ANK3: variants seen among roughly 807,000 people sequenced by gnomAD.
ANK3 encodes ankyrin-3.
Under a neutral mutation model 370.9 loss-of-function variants are expected in ANK3, and 57 were observed. The ratio of observed to expected loss-of-function variants is 0.15; its 90% CI spans 0.12 to 0.19. The LOEUF is 0.19. Ranked by LOEUF, ANK3 falls within the 10% of genes least tolerant of loss-of-function variation. The probability of loss-of-function intolerance (pLI) is 1.00; values close to 1 mark genes in which losing one functional copy is unlikely to be tolerated. For missense variants in ANK3, 4,439 were observed against 5,302.1 expected (o/e 0.84, Z 5.06); for synonymous variants, 1,929 against 1,946.3 (o/e 0.99, Z 0.23).
chr10:60,456,467 T>C (rs1332069029), intron 2 of ANK3, among the ~76,000 whole-genome samples: 3 of 152,184 alleles, frequency 2.0e-5, no homozygotes, highest in Non-Finnish European at 2.9e-5. Flanking sequence ...ACCTCCCTCC[T>C]ACCCTGATCT....
intron 7 of ANK3, among the ~76,000 whole-genome samples, chr10:60,247,047 G>T (rs2097566426): frequency 6.6e-6 from 1 of 152,058 alleles, no homozygotes; most frequent in African/African-American, 2.4e-5. Flanking sequence ...ATGGAGTCTC[G>T]CTCTATTGCC....
chr10:60,169,017 T>G (rs755775186), intron 21 of ANK3, among the ~76,000 whole-genome samples: 1 of 152,242 alleles, frequency 6.6e-6, no homozygotes, highest in Non-Finnish European at 1.5e-5. Context: ...CACATGCATG[T>G]ATCTTTGTAA....
At chr10:60,445,163 G>A (rs1056727489) in intron 2 of ANK3, among the ~76,000 whole-genome samples, 1 of 152,096 alleles carries the variant, frequency 6.6e-6, no homozygotes. Context: ...AGTGGCTCAC[G>A]CCTATGCTTG....
At chr10:60,544,036 C>T (rs1175511114) in intron 2 of ANK3, among the ~76,000 whole-genome samples, 1 of 152,088 alleles carries the variant, frequency 6.6e-6, no homozygotes, top group Non-Finnish European at 1.5e-5. Context: ...AGGGCTATTC[C>T]TCTCTGCCTG....
intron 2 of ANK3, among the ~76,000 whole-genome samples, chr10:60,464,484 G>A (rs2133063988): frequency 6.8e-6 from 1 of 147,370 alleles, no homozygotes; most frequent in East Asian, 2.0e-4. Flanking sequence ...AGGGAGATAG[G>A]CTGTCTCTAT....
intron 2 of ANK3, among the ~76,000 whole-genome samples, chr10:60,490,372 A>C (rs2075462877): frequency 6.6e-6 from 1 of 152,178 alleles, no homozygotes; most frequent in Non-Finnish European, 1.5e-5. Flanking sequence ...TGCATGAAAA[A>C]GTTTGACGAC....
chr10:60,068,416 G>A (rs750289519), intron 37 of ANK3, among the ~76,000 whole-genome samples: 12 of 152,172 alleles, frequency 7.9e-5, no homozygotes, highest in Admixed American at 5.2e-4. Context: ...TGCTTCCCTA[G>A]CTGTCTACCG....
intron 2 of ANK3, among the ~76,000 whole-genome samples, chr10:60,412,193 C>T (rs1427771937): frequency 6.6e-6 from 1 of 151,994 alleles, no homozygotes; most frequent in East Asian, 1.9e-4. Context: ...GCTCGGGGTG[C>T]ATTATTCTAG....
intron 42 of ANK3, among the ~76,000 whole-genome samples, chr10:60,052,463 A>T (rs1020148835): frequency 6.6e-6 from 1 of 152,276 alleles, no homozygotes; most frequent in African/African-American, 2.4e-5. Flanking sequence ...ATGAAGGAAT[A>T]AATGTATGAA....
In ANK3 at chr10:60,667,845, CT is replaced by C. The variant is rs559653953; in HGVS notation, c.58-52622del. ...CTTATTCTGGAATGGCCCTGAATCT[CT>C]CTCTTTCCTGGTTAGAGCAATGTTT... On this transcript the variant is annotated intron_variant, in intron 1 of 43. Transcript: ENST00000373827. Among the ~76,000 whole-genome samples, 22 of 151,634 alleles carry C rather than the reference CT, an allele frequency of 1.5e-4. No individual in the cohort carries two copies. The East Asian group carries it at 4.1e-3, about 28-fold the overall frequency.
intron 1 of ANK3, among the ~76,000 whole-genome samples, chr10:60,659,752 A>T (rs1412001010): frequency 6.6e-6 from 1 of 152,124 alleles, no homozygotes; most frequent in African/African-American, 2.4e-5. Flanking sequence ...TGGGGAAAAA[A>T]AATGCAAGTA....
chr10:60,052,858 A>T (rs1164909469), intron 42 of ANK3, among the ~76,000 whole-genome samples: 1 of 152,132 alleles, frequency 6.6e-6, no homozygotes, highest in East Asian at 1.9e-4. Context: ...TAAAACTGCT[A>T]TAGGAGGTAC....
At chr10:60,169,368 T>TTTG (rs1565438868) in intron 21 of ANK3, among the ~76,000 whole-genome samples, 596 of 24,016 alleles carry the variant, frequency 0.025, 9 homozygotes, top group African/African-American at 0.15. Context: ...CTCATAGTTT[T>TTTG]TTTTTTTTTT....
At chr10:60,552,736 T>C (rs996443569) in intron 2 of ANK3, among the ~76,000 whole-genome samples, 1 of 152,208 alleles carries the variant, frequency 6.6e-6, no homozygotes, top group Non-Finnish European at 1.5e-5. Context: ...ACTTTGTGGT[T>C]GATACGGCTT....
chr10:60,619,814 C>T (rs1490503974), intron 1 of ANK3, among the ~76,000 whole-genome samples: 1 of 152,186 alleles, frequency 6.6e-6, no homozygotes, highest in Non-Finnish European at 1.5e-5. Flanking sequence ...AAACTGATGC[C>T]TACAGTCTCC....
chr10:60,377,779 AT>A, intron 1 of ANK3, among the ~76,000 whole-genome samples: 2 of 152,328 alleles, frequency 1.3e-5, no homozygotes, highest in Middle Eastern at 3.4e-3. Flanking sequence ...CAGCCTCTGA[AT>A]TTATCAGTAA....
In ANK3 at chr10:60,643,576, A is replaced by T. The variant is rs188281441; in HGVS notation, c.58-28352T>A. On this transcript the variant is annotated intron_variant, in intron 1 of 43. Coordinates refer to the ANK3 transcript ENST00000373827. ...TCCTATTAGCTCTGTACTTCTAGAG[A>T]ACCCTAATACACAGACTCTCATTTT... Among the ~76,000 whole-genome samples, 258 of 151,624 alleles carry T rather than the reference A, an allele frequency of 1.7e-3. 1 individual carries two copies. The highest frequency in any genetic ancestry group is 3.0e-3 in the Non-Finnish European group (202 of 67,960).
At position 60,660,010 on chromosome 10, in the gene ANK3, C is replaced by T. The variant is rs149336548; in HGVS notation, c.58-44786G>A. Among the ~76,000 whole-genome samples, 286 of 152,144 alleles carry T rather than the reference C, an allele frequency of 1.9e-3. 2 individuals carry two copies. The highest frequency in any genetic ancestry group is 6.6e-3 in the African/African-American group (272 of 41,508). Reference sequence around the variant, plus strand: ...TAATATTAGAGATTGATTTTCCTATCTAGACAGAAAAGCAGGTAGGTAAGT... The same window carrying T: ...TAATATTAGAGATTGATTTTCCTATTTAGACAGAAAAGCAGGTAGGTAAGT... On this transcript the variant is annotated intron_variant, in intron 1 of 43. Coordinates refer to the ANK3 transcript ENST00000373827.
At chr10:60,171,361 C>G (rs979622755) in intron 21 of ANK3, among the ~76,000 whole-genome samples, 8 of 152,154 alleles carry the variant, frequency 5.3e-5, no homozygotes, top group African/African-American at 1.9e-4. Flanking sequence ...CCAGATAACT[C>G]AAACTGCAGG....
Sources: gnomAD v4.1 joint callset for allele counts (sites outside exome capture counted in the v4.1 genomes callset) on GRCh38, gnomAD v4.1.1 for gene constraint, MANE v1.5 for transcripts, NCBI Gene and HGNC (gene_info 2026-07-23, HGNC 2026-07-21) for gene names.